The following KLHL15 variants were observed in gnomAD, a reference collection of about 807,000 sequenced individuals.
The protein encoded by KLHL15 is kelch like family member 15.
In KLHL15, 1 loss-of-function variant was observed where a neutral mutation model predicts 29.3. That is an observed-to-expected ratio of 0.03 (90% confidence interval 0.01 to 0.16). KLHL15 has a LOEUF of 0.16. Among genes scored for constraint, KLHL15 ranks in the 10% least tolerant of loss-of-function variants. The pLI, the probability that KLHL15 is intolerant of heterozygous loss-of-function variation, is 1.00. For synonymous variants in KLHL15, 212 were observed against 184.5 expected, an observed-to-expected ratio of 1.15 and a Z score of -1.21; for missense variants, 215 against 478.5, an observed-to-expected ratio of 0.45 and a Z score of 5.14.
At position 23,986,920 on chromosome X, in the gene KLHL15, C is replaced by A. The variant is rs1248795809; in HGVS notation, c.*1001G>T. 8.9e-6 allele frequency: 1 copy of A among 111,870 alleles called. No individual in the cohort carries two copies. The highest frequency in any genetic ancestry group is 1.9e-5 in the Non-Finnish European group (1 of 53,154). 9.2% of individuals were successfully genotyped at this position (111,870 alleles called of 1,213,427 possible). ...GCTCTTTAAAAGTGCTTGCATGCTG[C>A]AGGGCCAGAACTTGTCATATACCAC... On this transcript the variant is annotated 3_prime_UTR_variant, in exon 4 of 4. Transcript: ENST00000328046.
At position 23,998,470 on chromosome X, in the gene KLHL15, G is replaced by A. The variant is rs766869747; in HGVS notation, c.705+7519C>T. Among the ~76,000 whole-genome samples, 5 of 111,021 alleles carry A rather than the reference G, an allele frequency of 4.5e-5. No homozygotes were observed. In the South Asian group the frequency reaches 1.9e-3, roughly 42 times the overall value. On this transcript the variant is annotated intron_variant, in intron 3 of 3. Coordinates refer to ENST00000328046, the MANE Select transcript of KLHL15 (RefSeq NM_030624.3). Reference sequence around the variant, plus strand: ...GACGGGGTTTCACTGTGTTAGCCAGGATGGTCTCGATCTCCTGAACTCGTG... The same window carrying A: ...GACGGGGTTTCACTGTGTTAGCCAGAATGGTCTCGATCTCCTGAACTCGTG...
intron 2 of KLHL15, among the ~76,000 whole-genome samples, chrX:24,012,639 G>A (rs755288599): frequency 8.9e-6 from 1 of 111,929 alleles, no homozygotes; most frequent in African/African-American, 3.2e-5. Flanking sequence ...CCTTACTCCA[G>A]TCCATATATA....
chrX:23,993,605 G>A (rs955246255), intron 3 of KLHL15, among the ~76,000 whole-genome samples: 2 of 110,995 alleles, frequency 1.8e-5, no homozygotes, highest in African/African-American at 6.5e-5. Flanking sequence ...GAGGTGACTG[G>A]AAGTTCAGTT....
intron 3 of KLHL15, among the ~76,000 whole-genome samples, chrX:23,996,379 T>C (rs1343273903): frequency 2.7e-5 from 3 of 112,234 alleles, no homozygotes; most frequent in Non-Finnish European, 5.6e-5. Flanking sequence ...AAACAAACCA[T>C]ATCAGGCCGG....
intron 1 of KLHL15, 41 bp from the exon 2 acceptor site, chrX:24,025,099 C>G: frequency 3.4e-6 from 1 of 296,363 alleles, no homozygotes; most frequent in Non-Finnish European, 5.9e-6. Context: ...ACCAGACAGT[C>G]GGGCTCCGCA....
At chrX:24,020,225 T>C (rs1342797980) in intron 2 of KLHL15, among the ~76,000 whole-genome samples, 1 of 111,840 alleles carries the variant, frequency 8.9e-6, no homozygotes, top group Non-Finnish European at 1.9e-5. Flanking sequence ...ACCCATAAAG[T>C]AAAAAAATGT....
At chrX:24,026,921 T>G (rs1048351413) in intron 1 of KLHL15, among the ~76,000 whole-genome samples, 4 of 112,532 alleles carry the variant, frequency 3.6e-5, no homozygotes, top group African/African-American at 1.3e-4. Flanking sequence ...AAATCCCTGC[T>G]TGCCATATTT....
intron 2 of KLHL15, among the ~76,000 whole-genome samples, chrX:24,023,740 G>A (rs1929861128): frequency 1.8e-5 from 2 of 112,015 alleles, no homozygotes; most frequent in South Asian, 7.3e-4. Flanking sequence ...GATAAACTGT[G>A]ACTCTAAGCA....
rs1462491576 is a variant in KLHL15, at chrX:24,017,914, G to A, written c.-8+6943C>T. The stretch of plus-strand genomic sequence containing the variant: ...TTGATCCAGTTCAAGACCAGCCTGG[G>A]CAATGTGGCCAGACCTCTTCCCTAC... On this transcript the variant is annotated intron_variant, in intron 2 of 3. Coordinates refer to ENST00000328046, the MANE Select transcript of KLHL15 (RefSeq NM_030624.3). Among the ~76,000 whole-genome samples the A allele has an allele frequency of 2.7e-5, 3 of 111,000 alleles. No individual in the cohort carries two copies. The Admixed American group carries it at 2.9e-4, about 11-fold the overall frequency.
intron 2 of KLHL15, among the ~76,000 whole-genome samples, chrX:24,020,175 C>T (rs1929774884): frequency 8.9e-6 from 1 of 112,482 alleles, no homozygotes; most frequent in African/African-American, 3.2e-5. Flanking sequence ...CGGATAAAAA[C>T]AGAATTAATT....
At chrX:24,022,336 A>G (rs1429231145) in intron 2 of KLHL15, among the ~76,000 whole-genome samples, 4 of 91,654 alleles carry the variant, frequency 4.4e-5, no homozygotes, top group Non-Finnish European at 8.3e-5. Context: ...CTGTGTCTCA[A>G]AAGATAAAAA....
At chrX:24,008,199 G>C (rs1345310350) in intron 2 of KLHL15, among the ~76,000 whole-genome samples, 2 of 112,129 alleles carry the variant, frequency 1.8e-5, no homozygotes, top group African/African-American at 6.5e-5. Flanking sequence ...AGGTAAAATA[G>C]AGAACTATAA....
intron 3 of KLHL15, among the ~76,000 whole-genome samples, chrX:23,997,504 G>A (rs1929213634): frequency 9.2e-6 from 1 of 109,158 alleles, no homozygotes. Context: ...TAGGGAGGCA[G>A]GTGAACACCT....
chrX:24,020,734 G>C (rs1929786893), intron 2 of KLHL15, among the ~76,000 whole-genome samples: 1 of 111,771 alleles, frequency 8.9e-6, no homozygotes, highest in African/African-American at 3.2e-5. Context: ...TTAGAGATTG[G>C]ATCCAGTGAG....
intron 2 of KLHL15, among the ~76,000 whole-genome samples, chrX:24,021,331 T>C (rs1430746582): frequency 9.0e-6 from 1 of 111,409 alleles, no homozygotes; most frequent in Non-Finnish European, 1.9e-5. Context: ...TCCCCAGATA[T>C]ATATGGTTCC....
At chrX:24,012,775 C>CT (rs1180265192) in intron 2 of KLHL15, among the ~76,000 whole-genome samples, 2 of 111,407 alleles carry the variant, frequency 1.8e-5, no homozygotes, top group Non-Finnish European at 3.8e-5. Flanking sequence ...TCAGCATTCT[C>CT]TATCTTCTCA....
chrX:24,019,093 C>T (rs546740609), intron 2 of KLHL15, among the ~76,000 whole-genome samples: 451 of 112,143 alleles, frequency 4.0e-3, no homozygotes, highest in South Asian at 0.012. Context: ...TTGCAACAGA[C>T]TGAATGCAGA....
chrX:24,022,342 A>G (rs1366301484), intron 2 of KLHL15, among the ~76,000 whole-genome samples: 1 of 55,186 alleles, frequency 1.8e-5, no homozygotes, highest in African/African-American at 1.6e-4. Flanking sequence ...CTCAAAAGAT[A>G]AAAAAAAAAA....
chrX:23,992,851 G>C (rs1313286829), intron 3 of KLHL15, among the ~76,000 whole-genome samples: 1 of 112,132 alleles, frequency 8.9e-6, no homozygotes, highest in East Asian at 2.8e-4. Flanking sequence ...GTATTATAAC[G>C]AGTGAAATAG....
Sources: gnomAD v4.1 joint callset for allele counts (sites outside exome capture counted in the v4.1 genomes callset) on GRCh38, gnomAD v4.1.1 for gene constraint, MANE v1.5 for transcripts, NCBI Gene and HGNC (gene_info 2026-07-23, HGNC 2026-07-21) for gene names.